Variants in GSK3B observed in about 807,000 individuals in gnomAD.
GSK3B encodes the protein glycogen synthase kinase-3 beta.
GSK3B carries 15 observed loss-of-function variants against 56.4 expected under a neutral mutation model. That is an observed-to-expected ratio of 0.27 (90% confidence interval 0.18 to 0.41). GSK3B has a LOEUF of 0.41. Among genes scored for constraint, GSK3B ranks in the 10% least tolerant of loss-of-function variants. GSK3B has a pLI of 1.00. For synonymous variants in GSK3B, 181 were observed against 188.9 expected (o/e 0.96, Z 0.34); for missense variants, 300 against 513.4 (o/e 0.58, Z 4.02).
intron 10 of GSK3B, among the ~76,000 whole-genome samples, chr3:119,838,681 CTACTGTT>C (rs1559802716): frequency 6.6e-6 from 1 of 152,082 alleles, no homozygotes; most frequent in Non-Finnish European, 1.5e-5. Context: ...AAACAATTTC[CTACTGTT>C]GACCATTCAG....
At chr3:120,033,231 A>G (rs2057993055) in intron 1 of GSK3B, among the ~76,000 whole-genome samples, 1 of 152,052 alleles carries the variant, frequency 6.6e-6, no homozygotes, top group African/African-American at 2.4e-5. Flanking sequence ...CCCGTATTTG[A>G]TTTCTCCATT....
At chr3:119,875,468 G>A (rs1185542106) in intron 8 of GSK3B, among the ~76,000 whole-genome samples, 5 of 148,758 alleles carry the variant, frequency 3.4e-5, no homozygotes, top group African/African-American at 1.0e-4. Flanking sequence ...CTTAAAATAC[G>A]TATTATAAAG....
intron 1 of GSK3B, among the ~76,000 whole-genome samples, chr3:120,005,866 A>G (rs181105292): frequency 6.6e-6 from 1 of 152,366 alleles, no homozygotes; most frequent in African/African-American, 2.4e-5. Flanking sequence ...AAATTGCATC[A>G]ATTAATGGGC....
chr3:119,896,877 G>A (rs764558283), intron 7 of GSK3B, among the ~76,000 whole-genome samples: 4 of 152,126 alleles, frequency 2.6e-5, no homozygotes, highest in Non-Finnish European at 4.4e-5. Flanking sequence ...TTGAGGCCCT[G>A]AAATTAGGTC....
At chr3:119,866,554 C>T (rs983504711) in intron 8 of GSK3B, 5 of 1,406,680 alleles carry the variant, frequency 3.6e-6, no homozygotes, top group Admixed American at 1.7e-5. Flanking sequence ...TATAGACCTG[C>T]CCTGAAATTT....
At chr3:119,951,722 C>A (rs970786926) in intron 2 of GSK3B, among the ~76,000 whole-genome samples, 2 of 151,956 alleles carry the variant, frequency 1.3e-5, no homozygotes, top group South Asian at 4.2e-4. Flanking sequence ...GTGGGCAAAG[C>A]TGTTGGATTT....
At chr3:119,991,637 T>C (rs1188944579) in intron 2 of GSK3B, among the ~76,000 whole-genome samples, 1 of 151,278 alleles carries the variant, frequency 6.6e-6, no homozygotes, top group Non-Finnish European at 1.5e-5. Flanking sequence ...TTTAAGGCAA[T>C]CCCAAACAGC....
intron 1 of GSK3B, among the ~76,000 whole-genome samples, chr3:120,043,887 T>C (rs1028862154): frequency 2.0e-5 from 3 of 152,214 alleles, no homozygotes; most frequent in Non-Finnish European, 1.5e-5. Flanking sequence ...TACCCTGCCC[T>C]ACAACAATGC....
chr3:119,834,646 TTTAAG>T (rs2055661552), intron 10 of GSK3B, among the ~76,000 whole-genome samples: 1 of 152,192 alleles, frequency 6.6e-6, no homozygotes, highest in African/African-American at 2.4e-5. Context: ...TCACTGTTCC[TTTAAG>T]TTAAAATGCT....
intron 2 of GSK3B, among the ~76,000 whole-genome samples, chr3:119,999,762 G>A (rs1305880508): frequency 6.6e-6 from 1 of 152,212 alleles, no homozygotes; most frequent in Non-Finnish European, 1.5e-5. Flanking sequence ...TAGACAGCAG[G>A]AGAATGGGAG....
chr3:119,843,889 C>G (rs1029488510), intron 9 of GSK3B, among the ~76,000 whole-genome samples: 1 of 152,140 alleles, frequency 6.6e-6, no homozygotes, highest in African/African-American at 2.4e-5. Flanking sequence ...CAGCACCACA[C>G]TGCACTTACT....
intron 8 of GSK3B, among the ~76,000 whole-genome samples, chr3:119,867,476 T>C (rs1274577304): frequency 6.6e-6 from 1 of 152,108 alleles, no homozygotes; most frequent in Non-Finnish European, 1.5e-5. Flanking sequence ...AAAAAATAAA[T>C]CCTACATCTT....
At chr3:119,841,019 C>T (rs546204901) in intron 10 of GSK3B, among the ~76,000 whole-genome samples, 16 of 152,128 alleles carry the variant, frequency 1.1e-4, no homozygotes, top group Non-Finnish European at 2.2e-4. Context: ...ATATCCTCTT[C>T]GGTAACTATT....
At chr3:119,877,642 C>T (rs192998773) in intron 7 of GSK3B, among the ~76,000 whole-genome samples, 1 of 152,086 alleles carries the variant, frequency 6.6e-6, no homozygotes, top group Non-Finnish European at 1.5e-5. Context: ...CCCTTGTATA[C>T]AAGGAACTAT....
In GSK3B at chr3:119,939,180, G is replaced by T. The variant is rs187327248; in HGVS notation, c.366+8088C>A. ...ACTCAACAAAAATAGAGCAGGGGTG[G>T]AGGGTAGGAAAGAAGCATTCCAGAA... On this transcript the variant is annotated intron_variant, in intron 3 of 10. Coordinates refer to ENST00000264235, the MANE Select transcript of GSK3B (RefSeq NM_001146156.2). Among the ~76,000 whole-genome samples the T allele has an allele frequency of 5.9e-5, 9 of 152,186 alleles. No homozygotes were observed. In the East Asian group the frequency reaches 1.7e-3, roughly 29 times the overall value.
At chr3:120,079,045 G>T (rs1241649512) in intron 1 of GSK3B, among the ~76,000 whole-genome samples, 2 of 147,246 alleles carry the variant, frequency 1.4e-5, no homozygotes, top group African/African-American at 5.0e-5. Context: ...AGGTTCAAAC[G>T]ATTCTCCTGC....
At chr3:119,946,397 T>G (rs1284539013) in intron 3 of GSK3B, among the ~76,000 whole-genome samples, 1 of 152,056 alleles carries the variant, frequency 6.6e-6, no homozygotes, top group African/African-American at 2.4e-5. Flanking sequence ...TTACATAAAG[T>G]AACAAGAACA....
At chr3:119,880,857 C>T (rs1158202794) in intron 7 of GSK3B, among the ~76,000 whole-genome samples, 1 of 152,064 alleles carries the variant, frequency 6.6e-6, no homozygotes, top group Non-Finnish European at 1.5e-5. Flanking sequence ...ATCAACAATT[C>T]CGTCACATGC....
intron 2 of GSK3B, among the ~76,000 whole-genome samples, chr3:119,957,012 A>G (rs1279344064): frequency 1.3e-5 from 2 of 152,178 alleles, no homozygotes; most frequent in Non-Finnish European, 2.9e-5. Context: ...GTTTGTTATA[A>G]ATTTTATTTA....
Sources: allele counts gnomAD v4.1 joint callset (sites outside exome capture counted in the v4.1 genomes callset), GRCh38; gene constraint gnomAD v4.1.1; transcripts MANE v1.5; gene names NCBI Gene and HGNC (gene_info 2026-07-23, HGNC 2026-07-21).